The following SASH1 variants were observed in gnomAD, a reference collection of about 807,000 sequenced individuals.
SASH1 encodes SAM and SH3 domain-containing protein 1.
Under a neutral mutation model 125.2 loss-of-function variants are expected in SASH1, and 44 were observed. That is an observed-to-expected ratio of 0.35 (90% CI 0.28 to 0.45). The LOEUF (loss-of-function observed/expected upper bound fraction) is 0.45, where lower values mean the gene tolerates loss of function less well. Ranked by LOEUF, SASH1 falls within the 20% of genes least tolerant of loss-of-function variation. SASH1 has a pLI of 1.00. For missense variants in SASH1, 1,426 were observed against 1,614.5 expected, an observed-to-expected ratio of 0.88 and a Z score of 2.00; for synonymous variants, 639 against 649.1, an observed-to-expected ratio of 0.98 and a Z score of 0.24.
chr6:148,366,888 T>G lies in SASH1; in HGVS notation c.157-23246T>G, dbSNP rs376191409. Among the ~76,000 whole-genome samples, 4 of 151,126 alleles carry G rather than the reference T, an allele frequency of 2.6e-5. No homozygotes were observed. In the East Asian group the frequency reaches 7.9e-4, roughly 30 times the overall value. On this transcript the variant is annotated intron_variant, in intron 1 of 19. Transcript: ENST00000367467. Reference sequence around the variant, plus strand: ...GGGATTACAGGCATAAGCCAAGGATTCCATTTGGATACGCTTCTGCAAGTA... The same window carrying G: ...GGGATTACAGGCATAAGCCAAGGATGCCATTTGGATACGCTTCTGCAAGTA...
chr6:148,227,768 T>C, the SASH1 span, among the ~76,000 whole-genome samples: 2 of 152,222 alleles, frequency 1.3e-5, no homozygotes, highest in South Asian at 4.1e-4. Context: ...TACATTCCTG[T>C]ATCTTTTTGT....
intron 4 of SASH1, among the ~76,000 whole-genome samples, chr6:148,453,355 T>G (rs1476344196): frequency 6.6e-6 from 1 of 152,106 alleles, no homozygotes; most frequent in Admixed American, 6.5e-5. Flanking sequence ...TAAATATCAT[T>G]CCTATACTTG....
chr6:148,428,441 G>C (rs1215417191), intron 2 of SASH1, among the ~76,000 whole-genome samples: 1 of 152,070 alleles, frequency 6.6e-6, no homozygotes. Context: ...CGACAGCCTG[G>C]CCAACATGGT....
chr6:148,266,188 G>T, the SASH1 span, among the ~76,000 whole-genome samples: 2 of 152,084 alleles, frequency 1.3e-5, no homozygotes, highest in Admixed American at 6.6e-5. Context: ...AGGCCAGGCT[G>T]GTCTCGAACT....
the SASH1 span, among the ~76,000 whole-genome samples, chr6:148,200,366 A>G: frequency 0.65 from 98,334 of 152,096 alleles, 32,449 homozygotes; most frequent in African/African-American, 0.77. Flanking sequence ...CTAGAAGCTC[A>G]AGGCTGCGCT....
chr6:148,466,584 C>T (rs1170287459), intron 4 of SASH1, among the ~76,000 whole-genome samples: 1 of 152,156 alleles, frequency 6.6e-6, no homozygotes, highest in African/African-American at 2.4e-5. Flanking sequence ...CTGAATGAGA[C>T]AGAGTCTCAT....
chr6:148,302,280 C>G (rs1470303968), intron 1 of SASH1, among the ~76,000 whole-genome samples: 1 of 131,050 alleles, frequency 7.6e-6, no homozygotes, highest in Non-Finnish European at 1.5e-5. Context: ...CCACTGCACT[C>G]CAGCCTGGGC....
At chr6:148,466,885 ATC>A (rs1053205618) in intron 4 of SASH1, among the ~76,000 whole-genome samples, 5 of 151,946 alleles carry the variant, frequency 3.3e-5, no homozygotes, top group African/African-American at 1.2e-4. Context: ...AGATGCAAAA[ATC>A]ACCTCTTCCA....
chr6:148,516,193 G>T lies in SASH1; in HGVS notation c.862+1737G>T, dbSNP rs1338959451. On this transcript the variant is annotated intron_variant, in intron 9 of 19. Coordinates refer to ENST00000367467, the MANE Select transcript of SASH1 (RefSeq NM_015278.5). ...TGGGCACAAATCAGGCTTCACAGAT[G>T]GAAGATGGATTTAGTGAACTCAAAT... Among the ~76,000 whole-genome samples the T allele has an allele frequency of 2.0e-5, 3 of 152,346 alleles. No individual in the cohort carries two copies. The East Asian group carries it at 5.8e-4, about 29-fold the overall frequency.
intron 1 of SASH1, among the ~76,000 whole-genome samples, chr6:148,380,799 A>G (rs1482039609): frequency 2.0e-5 from 3 of 152,222 alleles, no homozygotes; most frequent in East Asian, 1.9e-4. Flanking sequence ...GAGATCTAAT[A>G]TTAAGCACAC....
At chr6:148,387,680 CTTTCTTT>C (rs1783522432) in intron 1 of SASH1, among the ~76,000 whole-genome samples, 1 of 99,760 alleles carries the variant, frequency 1.0e-5, no homozygotes, top group Non-Finnish European at 2.0e-5. Flanking sequence ...TTCTTTCTTT[CTTTCTTT>C]CTTTCGGCAT....
chr6:148,515,985 C>A (rs1450288632), intron 9 of SASH1, among the ~76,000 whole-genome samples: 1 of 152,158 alleles, frequency 6.6e-6, no homozygotes, highest in Non-Finnish European at 1.5e-5. Context: ...GTTAAAGCAG[C>A]CTTTCCACTA....
At chr6:148,354,921 A>G (rs538771946) in intron 1 of SASH1, among the ~76,000 whole-genome samples, 6 of 151,948 alleles carry the variant, frequency 3.9e-5, no homozygotes, top group Non-Finnish European at 8.8e-5. Context: ...CACCACCCCC[A>G]TCTGATTTTT....
chr6:148,548,412 A>G lies in SASH1; in HGVS notation c.3598A>G (p.Thr1200Ala). Reference sequence around the variant, plus strand: ...GCCCATGTACGCCGGCACCCTCTCCACCGCGGGCTTCAGCACACTGAGCCA... The same window carrying G: ...GCCCATGTACGCCGGCACCCTCTCCGCCGCGGGCTTCAGCACACTGAGCCA... ...GLPMYAGTLS[T>A]AGFSTLSQVP... Residue 1200 changes from threonine to alanine, a missense_variant, in exon 20 of 20, where the codon ACC becomes GCC. Physicochemically the swap from Thr to Ala is moderately conservative, Grantham distance 58. This residue lies in a region of SASH1 where 634 missense variants were observed against 694.4 expected (regional missense o/e 0.91). Coordinates refer to ENST00000367467, the MANE Select transcript of SASH1 (RefSeq NM_015278.5). 1 of 1,614,032 alleles carries G rather than the reference A, an allele frequency of 6.2e-7. No individual in the cohort carries two copies. The highest frequency in any genetic ancestry group is 8.5e-7 in the Non-Finnish European group (1 of 1,180,010).
the SASH1 span, among the ~76,000 whole-genome samples, chr6:148,257,570 A>T: frequency 6.6e-6 from 1 of 151,966 alleles, no homozygotes; most frequent in Admixed American, 6.6e-5. Flanking sequence ...TTTTCAAAGC[A>T]TAAGTCTGCC....
In SASH1 at chr6:148,527,521, G is replaced by A. The variant is rs1192435058; in HGVS notation, c.1353G>A (p.Gly451=). The A allele has an allele frequency of 1.9e-6, 3 of 1,609,668 alleles. No homozygotes were observed. The highest frequency in any genetic ancestry group is 2.5e-6 in the Non-Finnish European group (3 of 1,178,642). The change falls in exon 12 of 20, where the codon GGG becomes GGA. Residue 451 remains glycine, a synonymous_variant. Transcript: ENST00000367467. Reference sequence around the variant, plus strand: ...CTACTGCCTCTCGCATCTCTCTTGGGAAAAAGGTGAAATCAGTGAAAGAGA... The same window carrying A: ...CTACTGCCTCTCGCATCTCTCTTGGAAAAAAGGTGAAATCAGTGAAAGAGA... The part of the protein sequence containing the change: ...KSPTASRISL[G]KKVKSVKETM...
chr6:148,327,558 C>T (rs1365427416), intron 1 of SASH1, among the ~76,000 whole-genome samples: 1 of 151,054 alleles, frequency 6.6e-6, no homozygotes, highest in African/African-American at 2.4e-5. Context: ...TCTGGGATTA[C>T]AGGCGTGAGC....
intron 2 of SASH1, among the ~76,000 whole-genome samples, chr6:148,409,768 T>C (rs942963023): frequency 2.0e-5 from 3 of 152,086 alleles, no homozygotes; most frequent in African/African-American, 7.2e-5. Flanking sequence ...ACCCCATCTG[T>C]ACTAAAAATA....
At chr6:148,239,067 A>T in the SASH1 span, among the ~76,000 whole-genome samples, 1 of 152,192 alleles carries the variant, frequency 6.6e-6, no homozygotes, top group African/African-American at 2.4e-5. Context: ...AACTAGGGAC[A>T]TTAGAGTTAC....
Sources: gnomAD v4.1 joint callset for allele counts (sites outside exome capture counted in the v4.1 genomes callset) on GRCh38, gnomAD v4.1.1 for gene constraint, gnomAD v4.1.1 regional missense constraint, MANE v1.5 for transcripts, NCBI Gene and HGNC (gene_info 2026-07-23, HGNC 2026-07-21) for gene names.